MOB4: variants seen among roughly 807,000 people sequenced by gnomAD.
MOB4 encodes MOB family member 4, phocein.
Under a neutral mutation model 32.2 loss-of-function variants are expected in MOB4, and 4 were observed. The observed-to-expected ratio is 0.12, with a 90% CI of 0.06 to 0.28. The LOEUF (loss-of-function observed/expected upper bound fraction) is 0.28, where lower values mean the gene tolerates loss of function less well. MOB4 is among the 10% of genes least tolerant of loss of function. The pLI is 1.00. For synonymous variants in MOB4, 88 were observed against 88.1 expected, an observed-to-expected ratio of 1.00 and a Z score of 0.01; for missense variants, 158 against 271.2, an observed-to-expected ratio of 0.58 and a Z score of 2.93.
chr2:197,521,267 A>C (rs936467935), intron 1 of MOB4, among the ~76,000 whole-genome samples: 2 of 152,164 alleles, frequency 1.3e-5, no homozygotes, highest in African/African-American at 4.8e-5. Flanking sequence ...GTGATGCCCC[A>C]CAAGCTGCAA....
At chr2:197,545,374 ATAGT>A (rs1044975621) in intron 5 of MOB4, among the ~76,000 whole-genome samples, 15 of 152,326 alleles carry the variant, frequency 9.8e-5, no homozygotes, top group African/African-American at 3.6e-4. Context: ...TGCTATATAA[ATAGT>A]TGTTATACTG....
chr2:197,519,604 G>A (rs913907153), intron 1 of MOB4, among the ~76,000 whole-genome samples: 4 of 152,088 alleles, frequency 2.6e-5, no homozygotes, highest in East Asian at 1.9e-4. Context: ...TAGTACATAC[G>A]CAACTATCTT....
At chr2:197,528,616 C>CTTTT (rs60927398) in intron 2 of MOB4, among the ~76,000 whole-genome samples, 3 of 131,692 alleles carry the variant, frequency 2.3e-5, no homozygotes, top group Non-Finnish European at 3.3e-5. Context: ...TTTTCTTTTT[C>CTTTT]TTTTTTTTTT....
intron 2 of MOB4, among the ~76,000 whole-genome samples, chr2:197,524,020 A>C (rs1240268078): frequency 6.6e-6 from 1 of 152,194 alleles, no homozygotes; most frequent in African/African-American, 2.4e-5. Context: ...GAGGCCAATC[A>C]CTTGAGGCCA....
chr2:197,519,972 T>A (rs968293812), intron 1 of MOB4, among the ~76,000 whole-genome samples: 1 of 152,200 alleles, frequency 6.6e-6, no homozygotes, highest in African/African-American at 2.4e-5. Flanking sequence ...TTAGTTCATT[T>A]TCATCCAGAT....
At chr2:197,549,876 A>G (rs865865281) in intron 6 of MOB4, among the ~76,000 whole-genome samples, 26 of 150,720 alleles carry the variant, frequency 1.7e-4, no homozygotes, top group Admixed American at 5.9e-4. Context: ...AAAAAAAAAA[A>G]AAAGAAAAGA....
chr2:197,519,181 C>A (rs2086470857), intron 1 of MOB4, among the ~76,000 whole-genome samples: 1 of 152,232 alleles, frequency 6.6e-6, no homozygotes, highest in Non-Finnish European at 1.5e-5. Flanking sequence ...CAGGCGCAAG[C>A]CACCACGCTG....
rs201150302 is a variant in MOB4, at chr2:197,540,370, C to T, written c.287C>T (p.Thr96Ile). 1.9e-6 allele frequency: 3 copies of T among 1,587,458 alleles called. No homozygotes were observed. The highest frequency in any genetic ancestry group is 2.6e-6 in the Non-Finnish European group (3 of 1,170,584). ...TAACAGAGTGAATGCCATCCAGATACTTGCACTCAAATGACAGCAACTGAA... is the reference window on the plus strand; with the variant it reads ...TAACAGAGTGAATGCCATCCAGATATTTGCACTCAAATGACAGCAACTGAA... ...VKLQSECHPD[T>I]CTQMTATEQW... The change falls in exon 5 of 8, where the codon ACT (threonine) becomes ATT (isoleucine). Residue 96 changes from threonine to isoleucine, a missense_variant. Physicochemically the swap from Thr to Ile is moderately conservative, Grantham distance 89 (BLOSUM62 -1). This residue lies in a region of MOB4 where 21 missense variants were observed against 19.8 expected (regional missense o/e 1.06). Coordinates refer to ENST00000323303, the MANE Select transcript of MOB4 (RefSeq NM_015387.5).
upstream of MOB4, chr2:197,515,801 A>G (rs550380783): frequency 2.1e-4 from 103 of 499,362 alleles, 3 homozygotes; most frequent in South Asian, 2.4e-3. Context: ...CGCTGCGATC[A>G]CGACCTTTCA....
chr2:197,526,526 C>T (rs940796947), intron 2 of MOB4, among the ~76,000 whole-genome samples: 1 of 152,148 alleles, frequency 6.6e-6, no homozygotes, highest in Non-Finnish European at 1.5e-5. Context: ...CCATCTTGGC[C>T]AGGCCGGTCT....
At chr2:197,522,374 A>G (rs1418486938) in intron 1 of MOB4, among the ~76,000 whole-genome samples, 1 of 118,266 alleles carries the variant, frequency 8.5e-6, no homozygotes, top group African/African-American at 3.5e-5. Context: ...TCTGTCACCC[A>G]GGCTGGAGTG....
At chr2:197,538,906 A>T (rs918354327) in intron 3 of MOB4, among the ~76,000 whole-genome samples, 5 of 152,220 alleles carry the variant, frequency 3.3e-5, no homozygotes, top group South Asian at 2.1e-4. Context: ...GGACAGCATT[A>T]TTAGGCATCT....
Position 197,552,645 on chromosome 2 carries a change from T to C in MOB4, c.*1999T>C, listed in dbSNP as rs750128318. 1.3e-5 allele frequency: 2 copies of C among 152,394 alleles called. No individual in the cohort carries two copies. Among genetic ancestry groups the C allele is most frequent in the Non-Finnish European group, 2.9e-5 (2 of 68,048 alleles). 9.4% of individuals were successfully genotyped at this position (152,394 alleles called of 1,614,324 possible). A position where few individuals can be genotyped will look rare whatever the true frequency, so the allele number is the denominator to read the frequency against. On this transcript the variant is annotated 3_prime_UTR_variant, in exon 8 of 8. Transcript: ENST00000323303. Reference sequence around the variant, plus strand: ...ATCAGTTTGTAGTCTTGCTTTTGTATTCATGTTGATAATCTTACTAATTGT... The same window carrying C: ...ATCAGTTTGTAGTCTTGCTTTTGTACTCATGTTGATAATCTTACTAATTGT...
At chr2:197,524,335 A>G (rs2086570999) in intron 2 of MOB4, among the ~76,000 whole-genome samples, 1 of 152,064 alleles carries the variant, frequency 6.6e-6, no homozygotes, top group Non-Finnish European at 1.5e-5. Context: ...TATCAAGACC[A>G]TCCTGGCCAA....
intron 6 of MOB4, among the ~76,000 whole-genome samples, chr2:197,549,860 A>T (rs1301102989): frequency 3.4e-5 from 4 of 117,952 alleles, no homozygotes; most frequent in South Asian, 2.5e-4. Context: ...CTTAATTTCT[A>T]AAAAAAAAAA....
intron 3 of MOB4, among the ~76,000 whole-genome samples, chr2:197,537,144 A>G (rs1004276638): frequency 6.6e-6 from 1 of 152,194 alleles, no homozygotes; most frequent in Non-Finnish European, 1.5e-5. Context: ...CTCTTTGGTA[A>G]ATAGAGATTA....
chr2:197,553,080 C>G lies in MOB4; in HGVS notation c.*2434C>G, dbSNP rs1559328127. 6.6e-6 allele frequency: 1 copy of G among 152,054 alleles called. No homozygotes were observed. Among genetic ancestry groups the G allele is most frequent in the Non-Finnish European group, 1.5e-5 (1 of 68,018 alleles). 9.4% of individuals were successfully genotyped at this position (152,054 alleles called of 1,614,324 possible). On this transcript the variant is annotated 3_prime_UTR_variant, in exon 8 of 8. Coordinates refer to ENST00000323303, the MANE Select transcript of MOB4 (RefSeq NM_015387.5). ...GACTTGAGATGTCAAATTTGGATTT[C>G]TAGAACAGTTTCTCAGTTAAATTCT...
At chr2:197,526,309 TCTTA>T (rs1379436815) in intron 2 of MOB4, among the ~76,000 whole-genome samples, 2 of 152,116 alleles carry the variant, frequency 1.3e-5, no homozygotes, top group African/African-American at 4.8e-5. Context: ...TGTTTCTTTT[TCTTA>T]CTTTTTTTAT....
At chr2:197,524,419 C>T (rs1471309167) in intron 2 of MOB4, among the ~76,000 whole-genome samples, 1 of 151,302 alleles carries the variant, frequency 6.6e-6, no homozygotes, top group East Asian at 1.9e-4. Flanking sequence ...GTAGTCCCAG[C>T]TACTCGGGAG....
Sources: gnomAD v4.1 joint callset for allele counts (sites outside exome capture counted in the v4.1 genomes callset) on GRCh38, gnomAD v4.1.1 for gene constraint, gnomAD v4.1.1 regional missense constraint, MANE v1.5 for transcripts, NCBI Gene and HGNC (gene_info 2026-07-23, HGNC 2026-07-21) for gene names.